Variants in CYP19A1 observed in about 807,000 individuals in gnomAD.
CYP19A1 encodes the protein cytochrome P450 family 19 subfamily A member 1, also known as aromatase.
In CYP19A1, 32 loss-of-function variants were observed where a neutral mutation model predicts 44.4. The ratio of observed to expected loss-of-function variants is 0.72; its 90% CI spans 0.54 to 0.97. The LOEUF (loss-of-function observed/expected upper bound fraction) is 0.97. Ranked by LOEUF, CYP19A1 falls within the 50% of genes least tolerant of loss-of-function variation. The pLI is 0.00. For missense variants in CYP19A1, 598 were observed against 637.8 expected, an observed-to-expected ratio of 0.94 and a Z score of 0.67; for synonymous variants, 212 against 215.6, an observed-to-expected ratio of 0.98 and a Z score of 0.14.
At chr15:51,283,084 T>C (rs1183956529) in intron 1 of CYP19A1, among the ~76,000 whole-genome samples, 1 of 152,008 alleles carries the variant, frequency 6.6e-6, no homozygotes, top group African/African-American at 2.4e-5. Flanking sequence ...ATGTGAGTGA[T>C]AATAAAGGCA....
At chr15:51,226,312 C>T (rs1035703804) in intron 4 of CYP19A1, among the ~76,000 whole-genome samples, 2 of 152,126 alleles carry the variant, frequency 1.3e-5, no homozygotes, top group Admixed American at 1.3e-4. Context: ...TCCTAGAGCC[C>T]CCAGAAAGGC....
intron 1 of CYP19A1, among the ~76,000 whole-genome samples, chr15:51,336,343 A>T (rs1038539385): frequency 6.6e-6 from 1 of 152,188 alleles, no homozygotes; most frequent in Non-Finnish European, 1.5e-5. Context: ...AAATGAATAC[A>T]TGAAAGAATA....
Position 51,218,663 on chromosome 15 carries a change from A to C in CYP19A1, c.629-8T>G. On this transcript the variant is annotated splice_region_variant and splice_polypyrimidine_tract_variant and intron_variant, in intron 5 of 9. Coordinates refer to ENST00000396402, the MANE Select transcript of CYP19A1 (RefSeq NM_000103.4). The stretch of plus-strand genomic sequence containing the variant: ...TAACCACGATAGCACTTTCTGTAGG[A>C]AAAAAAAACACACATACACAAGAAA... 6.2e-7 allele frequency: 1 copy of C among 1,605,194 alleles called. No homozygotes were observed. The highest frequency in any genetic ancestry group is 8.5e-7 in the Non-Finnish European group (1 of 1,175,424).
intron 1 of CYP19A1, among the ~76,000 whole-genome samples, chr15:51,329,378 A>G (rs1019914566): frequency 1.3e-5 from 2 of 152,182 alleles, no homozygotes; most frequent in African/African-American, 2.4e-5. Context: ...GCACCCTCTG[A>G]GAGCTGACTG....
At chr15:51,248,846 T>C (rs955914922) in intron 1 of CYP19A1, among the ~76,000 whole-genome samples, 9 of 152,192 alleles carry the variant, frequency 5.9e-5, no homozygotes, top group Non-Finnish European at 8.8e-5. Flanking sequence ...GCTGCCAGAT[T>C]TGCTTTTTGA....
intron 1 of CYP19A1, chr15:51,278,133 A>T (rs2035390756): frequency 6.6e-6 from 1 of 152,094 alleles, no homozygotes; most frequent in Non-Finnish European, 1.5e-5. Context: ...TCTTTTATAA[A>T]GGTGCTTCTT....
chr15:51,236,917 C>G lies in CYP19A1; in HGVS notation c.238G>C (p.Val80Leu). 6.2e-7 allele frequency: 1 copy of G among 1,614,138 alleles called. No individual in the cohort carries two copies. The highest frequency in any genetic ancestry group is 1.1e-5 in the South Asian group (1 of 91,076). Residue 80 changes from valine (V) to leucine (L), a missense_variant, in exon 3 of 10, where the codon GTA (valine) becomes CTA (leucine). By Grantham distance (32) the Val-to-Leu change is conservative. Coordinates refer to ENST00000396402, the MANE Select transcript of CYP19A1 (RefSeq NM_000103.4). The stretch of plus-strand genomic sequence containing the variant: ...CAGACTCGCATGAATTCTCCATATA[C>G]CCGGTTGTAGTAGTTGCAGGCACTG... ...IGSACNYYNR[V>L]YGEFMRVWIS...
chr15:51,281,404 T>C (rs1221452457), intron 1 of CYP19A1, among the ~76,000 whole-genome samples: 1 of 152,190 alleles, frequency 6.6e-6, no homozygotes, highest in African/African-American at 2.4e-5. Flanking sequence ...GGGGGCTTTT[T>C]CCAAGCCCTT....
At chr15:51,314,347 G>A (rs1180295139) in intron 1 of CYP19A1, among the ~76,000 whole-genome samples, 2 of 152,012 alleles carry the variant, frequency 1.3e-5, no homozygotes, top group Non-Finnish European at 2.9e-5. Context: ...GGGACTTTTT[G>A]CCTTTATCAT....
intron 1 of CYP19A1, among the ~76,000 whole-genome samples, chr15:51,316,992 G>A (rs2036437869): frequency 6.6e-6 from 1 of 152,154 alleles, no homozygotes. Flanking sequence ...GGTGCCAAGA[G>A]TGCTGGTGTG....
chr15:51,243,902 G>C (rs2033930612), intron 1 of CYP19A1, among the ~76,000 whole-genome samples: 1 of 152,220 alleles, frequency 6.6e-6, no homozygotes, highest in Non-Finnish European at 1.5e-5. Flanking sequence ...AGGGATGGTA[G>C]GTAGTCTGTA....
intron 1 of CYP19A1, among the ~76,000 whole-genome samples, chr15:51,268,959 C>T (rs1036943825): frequency 2.6e-5 from 4 of 151,954 alleles, no homozygotes; most frequent in Admixed American, 6.6e-5. Context: ...TTGTCTGATA[C>T]GTGTTGTTTT....
rs534823738 is a variant in CYP19A1 at position 51,214,963 on chromosome 15, C to A, written c.1021+107G>T. The A allele has an allele frequency of 5.3e-6, 8 of 1,507,638 alleles. No homozygotes were observed. The Admixed American group carries it at 1.1e-4, about 20-fold the overall frequency. 93.4% of individuals were successfully genotyped at this position (1,507,638 alleles called of 1,614,324 possible). ...GAATGTCTTGCTTTATTGTTTGGAG[C>A]AAATTATAAAAAATTTCATGTTTGA... On this transcript the variant is annotated intron_variant, in intron 8 of 9. Coordinates refer to ENST00000396402, the MANE Select transcript of CYP19A1 (RefSeq NM_000103.4).
At chr15:51,268,091 C>G (rs7342683) in intron 1 of CYP19A1, among the ~76,000 whole-genome samples, 17,675 of 152,250 alleles carry the variant, frequency 0.12, 1,927 homozygotes, top group African/African-American at 0.28. Context: ...CCCACCCTCC[C>G]CCATCCCATT....
intron 1 of CYP19A1, among the ~76,000 whole-genome samples, chr15:51,304,013 C>A (rs570715997): frequency 5.0e-4 from 76 of 152,078 alleles, no homozygotes; most frequent in Non-Finnish European, 8.5e-4. Context: ...GCCTTTGACG[C>A]TCAACAATTG....
intron 1 of CYP19A1, among the ~76,000 whole-genome samples, chr15:51,267,156 G>C (rs1293652281): frequency 6.6e-6 from 1 of 152,122 alleles, no homozygotes; most frequent in Non-Finnish European, 1.5e-5. Flanking sequence ...GGCGAATCGA[G>C]CCAGATTTTT....
intron 1 of CYP19A1, among the ~76,000 whole-genome samples, chr15:51,297,387 A>G (rs569780805): frequency 1.3e-5 from 2 of 152,298 alleles, no homozygotes; most frequent in African/African-American, 4.8e-5. Context: ...TGCTAGGTCC[A>G]CCGGGGGAGA....
At chr15:51,242,529 G>A (rs1445871707) in intron 2 of CYP19A1, among the ~76,000 whole-genome samples, 1 of 152,008 alleles carries the variant, frequency 6.6e-6, no homozygotes, top group East Asian at 1.9e-4. Flanking sequence ...TCTACTTTAC[G>A]AAAGCACAGC....
chr15:51,325,874 G>A (rs1040330390), intron 1 of CYP19A1, among the ~76,000 whole-genome samples: 27 of 143,762 alleles, frequency 1.9e-4, no homozygotes, highest in African/African-American at 7.0e-4. Context: ...AGGGCATTGA[G>A]TCCACCTAAC....
Sources: allele counts gnomAD v4.1 joint callset (sites outside exome capture counted in the v4.1 genomes callset), GRCh38; gene constraint gnomAD v4.1.1; transcripts MANE v1.5; gene names NCBI Gene and HGNC (gene_info 2026-07-23, HGNC 2026-07-21).